The following FAM168B variants were observed in gnomAD, a reference collection of about 807,000 sequenced individuals.
FAM168B encodes family with sequence similarity 168 member B, also known as myelin-associated neurite-outgrowth inhibitor.
A neutral mutation model predicts 21.8 loss-of-function variants in FAM168B; 19 were observed. The ratio of observed to expected loss-of-function variants is 0.87; its 90% CI spans 0.61 to 1.28. The LOEUF (loss-of-function observed/expected upper bound fraction) is 1.28, where lower values mean the gene tolerates loss of function less well. Among genes scored for constraint, FAM168B ranks in the 50% most tolerant of loss-of-function variants. The pLI, the probability that FAM168B is intolerant of heterozygous loss-of-function variation, is 0.00. For synonymous variants in FAM168B, 126 were observed against 104.8 expected, an observed-to-expected ratio of 1.20 and a Z score of -1.24; for missense variants, 233 against 263.1, an observed-to-expected ratio of 0.89 and a Z score of 0.79.
intron 2 of FAM168B, among the ~76,000 whole-genome samples, chr2:131,072,420 G>A (rs1692921541): frequency 1.3e-5 from 2 of 151,346 alleles, no homozygotes; most frequent in Non-Finnish European, 2.9e-5. Flanking sequence ...CACCACGCCT[G>A]GCTTTCCCTC....
chr2:131,063,047 C>G (rs1692384248), intron 3 of FAM168B, among the ~76,000 whole-genome samples: 1 of 152,180 alleles, frequency 6.6e-6, no homozygotes, highest in African/African-American at 2.4e-5. Flanking sequence ...GTATGTGATA[C>G]AAGTAAAATG....
Position 131,070,879 on chromosome 2 carries a change from G to A in FAM168B, c.154+976C>T, listed in dbSNP as rs866974058. On this transcript the variant is annotated intron_variant, in intron 3 of 6. Transcript: ENST00000389915. ...ACTCTAGGCATAACTGTGTCTCACA[G>A]TCATGGGAAACCACTGAGAAAAATT... is the stretch of plus-strand genomic sequence containing the variant. 1.2e-4 allele frequency among the ~76,000 whole-genome samples: 18 copies of A among 152,350 alleles called. No individual in the cohort carries two copies. In the South Asian group the frequency reaches 1.4e-3, roughly 12 times the overall value.
chr2:131,060,718 G>C (rs1692248589), intron 3 of FAM168B, among the ~76,000 whole-genome samples: 1 of 152,160 alleles, frequency 6.6e-6, no homozygotes, highest in African/African-American at 2.4e-5. Context: ...ATTCTGAATT[G>C]ATTCCACAAG....
chr2:131,073,076 G>C (rs940151658), intron 2 of FAM168B, among the ~76,000 whole-genome samples: 5 of 152,014 alleles, frequency 3.3e-5, no homozygotes, highest in African/African-American at 7.2e-5. Flanking sequence ...ATTCATTTCA[G>C]GTTTTTTCAC....
chr2:131,056,450 A>G (rs891819855), intron 3 of FAM168B, among the ~76,000 whole-genome samples: 3 of 152,106 alleles, frequency 2.0e-5, no homozygotes, highest in South Asian at 2.1e-4. Context: ...GCACCAAGAG[A>G]GCCGTTCCCC....
At position 131,047,999 on chromosome 2, in the gene FAM168B, AATAG is replaced by A. The variant is rs1024176514; in HGVS notation, c.*4462_*4465del. 2.1e-5 allele frequency: 6 copies of A among 287,142 alleles called. No homozygotes were observed. The highest frequency in any genetic ancestry group is 1.3e-4 in the African/African-American group (6 of 45,680). The allele number at this position is 287,142 out of a possible 1,614,324, so 17.8% of individuals were successfully genotyped here. On this transcript the variant is annotated 3_prime_UTR_variant, in exon 7 of 7. Transcript: ENST00000389915. ...CTCATCAGATTGCATAAAAAATTAA[AATAG>A]TATCAATTGACACCTAACTGAACTG...
intron 2 of FAM168B, 57 bp from the exon 3 acceptor site, chr2:131,071,995 G>A: frequency 7.0e-7 from 1 of 1,435,156 alleles, no homozygotes; most frequent in Non-Finnish European, 9.7e-7. Context: ...ACAATCACTA[G>A]AGCTCCTGCA....
At chr2:131,088,713 C>A (rs150562691) in intron 1 of FAM168B, among the ~76,000 whole-genome samples, 14 of 152,214 alleles carry the variant, frequency 9.2e-5, no homozygotes, top group African/African-American at 3.4e-4. Context: ...ACAAAAAGAG[C>A]AAATAATCTC....
At chr2:131,061,257 G>A (rs1488107232) in intron 3 of FAM168B, among the ~76,000 whole-genome samples, 6 of 146,086 alleles carry the variant, frequency 4.1e-5, no homozygotes, top group Non-Finnish European at 7.5e-5. Flanking sequence ...GAGTTGAGAC[G>A]AGCCTAGCCA....
At chr2:131,063,101 TAGC>T (rs1404890247) in intron 3 of FAM168B, among the ~76,000 whole-genome samples, 2 of 152,212 alleles carry the variant, frequency 1.3e-5, no homozygotes, top group African/African-American at 4.8e-5. Flanking sequence ...CGTAGAATCT[TAGC>T]AGTCCATATA....
At chr2:131,090,716 T>C (rs989601933) in intron 1 of FAM168B, among the ~76,000 whole-genome samples, 3 of 152,174 alleles carry the variant, frequency 2.0e-5, no homozygotes, top group East Asian at 1.9e-4. Context: ...AATGAACATA[T>C]ATATGTATAA....
At position 131,055,289 on chromosome 2, in the gene FAM168B, G is replaced by A; in HGVS notation, c.458C>T (p.Thr153Ile). The stretch of plus-strand genomic sequence containing the variant: ...GGACTTACCTGCTGACATGGCCATG[G>A]TGGTCCCAGCCACCATGCCCATGGT... Reference protein sequence around the residue: ...GVTMGMVAGTTMAMSAGTLLT... With the variant: ...GVTMGMVAGTIMAMSAGTLLT... The change falls in exon 5 of 7, where the codon ACC becomes ATC. Residue 153 changes from threonine (T) to isoleucine (I), a missense_variant. Coordinates refer to ENST00000389915, the MANE Select transcript of FAM168B (RefSeq NM_001009993.4). The A allele has an allele frequency of 6.3e-7, 1 of 1,577,296 alleles. No individual in the cohort carries two copies. The highest frequency in any genetic ancestry group is 8.6e-7 in the Non-Finnish European group (1 of 1,166,568).
In FAM168B at chr2:131,077,212, TAAAAAAA is replaced by T. The variant is rs34175924; in HGVS notation, c.71-5281_71-5275del. Among the ~76,000 whole-genome samples the T allele has an allele frequency of 1.9e-3, 241 of 130,270 alleles. 1 individual carries two copies. Among genetic ancestry groups the T allele is most frequent in the Middle Eastern group, 8.0e-3 (2 of 250 alleles). 85.5% of individuals were successfully genotyped at this position (130,270 alleles called of 152,430 possible). On this transcript the variant is annotated intron_variant, in intron 2 of 6. Coordinates refer to ENST00000389915, the MANE Select transcript of FAM168B (RefSeq NM_001009993.4). ...GGAGTGTATGTAACGCTATTACATT[TAAAAAAA>T]AAAAAAAAAAAAAGAACAAGGCAAA... is the stretch of plus-strand genomic sequence containing the variant.
At chr2:131,068,545 TAAC>T (rs1307754171) in intron 3 of FAM168B, among the ~76,000 whole-genome samples, 2 of 152,186 alleles carry the variant, frequency 1.3e-5, no homozygotes, top group Non-Finnish European at 2.9e-5. Flanking sequence ...GTCTGGCACC[TAAC>T]AACTGCCTGG....
chr2:131,068,124 T>C (rs919920134), intron 3 of FAM168B, among the ~76,000 whole-genome samples: 1 of 152,208 alleles, frequency 6.6e-6, no homozygotes, highest in Non-Finnish European at 1.5e-5. Flanking sequence ...TCAGGTTAGA[T>C]GGACAACAGC....
chr2:131,069,353 A>G (rs921496797), intron 3 of FAM168B, among the ~76,000 whole-genome samples: 5 of 152,192 alleles, frequency 3.3e-5, no homozygotes, highest in Non-Finnish European at 7.3e-5. Flanking sequence ...AAAGATATAA[A>G]CTTCAATCCA....
chr2:131,088,443 C>T (rs1460983460), intron 1 of FAM168B, among the ~76,000 whole-genome samples: 1 of 151,854 alleles, frequency 6.6e-6, no homozygotes, highest in African/African-American at 2.4e-5. Context: ...AGGAGGAAGG[C>T]CAGATAATTC....
In FAM168B at chr2:131,050,457, G is replaced by A. The variant is rs368499053; in HGVS notation, c.*2008C>T. 9.1e-6 allele frequency: 9 copies of A among 985,684 alleles called. No individual in the cohort carries two copies. The African/African-American group carries it at 1.6e-4, about 17-fold the overall frequency. 61.1% of individuals were successfully genotyped at this position (985,684 alleles called of 1,614,324 possible). On this transcript the variant is annotated 3_prime_UTR_variant, in exon 7 of 7. Transcript: ENST00000389915. The stretch of plus-strand genomic sequence containing the variant: ...ATGGAATTACCAACAGAGACTTGAA[G>A]AAAGGGGCACAAACTGTGTGCCTGC...
intron 3 of FAM168B, among the ~76,000 whole-genome samples, chr2:131,067,762 C>T (rs1215961213): frequency 6.6e-6 from 1 of 151,982 alleles, no homozygotes; most frequent in East Asian, 1.9e-4. Context: ...CCTCCACACA[C>T]CTTCAGAGAA....
Sources: gnomAD v4.1 joint callset for allele counts (sites outside exome capture counted in the v4.1 genomes callset) on GRCh38, gnomAD v4.1.1 for gene constraint, MANE v1.5 for transcripts, NCBI Gene and HGNC (gene_info 2026-07-23, HGNC 2026-07-21) for gene names.